ERICH2: variants seen among roughly 807,000 people sequenced by gnomAD.
The protein encoded by ERICH2 is glutamate rich 2, also known as glutamate-rich protein 2.
In ERICH2, 17 loss-of-function variants were observed where a neutral mutation model predicts 17.4. The observed-to-expected ratio is 0.98, with a 90% confidence interval of 0.67 to 1.47. The LOEUF (loss-of-function observed/expected upper bound fraction) is 1.47, where lower values mean the gene tolerates loss of function less well. Ranked by LOEUF, ERICH2 falls within the 40% of genes most tolerant of loss-of-function variation. ERICH2 has a pLI of 0.00. For synonymous variants in ERICH2, 51 were observed against 61.1 expected (o/e 0.83, Z 0.77); for missense variants, 186 against 183.2 (o/e 1.01, Z -0.09).
chr2:170,778,488 G>T, the ERICH2 span, among the ~76,000 whole-genome samples: 2 of 151,934 alleles, frequency 1.3e-5, no homozygotes, highest in Admixed American at 6.5e-5. Context: ...TTGTCAAAAC[G>T]AAAAATGTCC....
At position 170,797,795 on chromosome 2, in the gene ERICH2, GAAAAAAA is replaced by G. The variant is rs767126097; in HGVS notation, c.275-233_275-227del. ...TAACAGAGCGACACCCTGTCTCAGG[GAAAAAAA>G]AAAAAAAAAAAAGAAAGAAAGAAAA... On this transcript the variant is annotated intron_variant, in intron 3 of 4. Coordinates refer to ENST00000409885, the Ensembl canonical transcript of ERICH2. Among the ~76,000 whole-genome samples the G allele has an allele frequency of 9.4e-3, 1,331 of 141,846 alleles. 22 individuals carry two copies. Among genetic ancestry groups the G allele is most frequent in the African/African-American group, 0.032 (1,247 of 38,460 alleles). 93.1% of individuals were successfully genotyped at this position (141,846 alleles called of 152,430 possible).
chr2:170,795,863 G>A (rs535941151), intron 3 of ERICH2, among the ~76,000 whole-genome samples: 12 of 152,144 alleles, frequency 7.9e-5, no homozygotes, highest in South Asian at 4.2e-4. Context: ...ATGGAGGTCC[G>A]GAAGATTTAT....
intron 3 of ERICH2, among the ~76,000 whole-genome samples, chr2:170,794,017 G>A (rs1039108267): frequency 6.7e-6 from 1 of 149,438 alleles, no homozygotes; most frequent in African/African-American, 2.5e-5. Flanking sequence ...GATGTCCCAT[G>A]TGTATCTTAT....
At chr2:170,776,220 CAT>C in the ERICH2 span, among the ~76,000 whole-genome samples, 2 of 152,056 alleles carry the variant, frequency 1.3e-5, no homozygotes, top group African/African-American at 4.8e-5. Flanking sequence ...TTAATAAACA[CAT>C]GAGAACTTAT....
chr2:170,782,564 G>A (rs1192388101), upstream of ERICH2, among the ~76,000 whole-genome samples: 1 of 152,198 alleles, frequency 6.6e-6, no homozygotes, highest in Non-Finnish European at 1.5e-5. Flanking sequence ...GAGATCCATG[G>A]ATATGCATTA....
At chr2:170,795,635 C>G (rs1014522896) in intron 3 of ERICH2, among the ~76,000 whole-genome samples, 23 of 152,222 alleles carry the variant, frequency 1.5e-4, no homozygotes, top group Non-Finnish European at 2.6e-4. Context: ...GCATCAGCCA[C>G]TGCACCTGTC....
upstream of ERICH2, chr2:170,782,471 A>T: frequency 1.7e-6 from 1 of 605,678 alleles, no homozygotes. Context: ...GGAACTGACA[A>T]CTCTGTAGAT....
intron 2 of ERICH2, among the ~76,000 whole-genome samples, chr2:170,788,716 A>G (rs1344173475): frequency 1.3e-5 from 2 of 151,824 alleles, no homozygotes; most frequent in African/African-American, 2.4e-5. Context: ...TGACCTTGTG[A>G]TTCACCTCCC....
chr2:170,777,730 G>T, the ERICH2 span: 1 of 1,169,560 alleles, frequency 8.6e-7, no homozygotes, highest in Non-Finnish European at 1.1e-6. Context: ...TGCCTTTTAA[G>T]CAATTAGAAC....
chr2:170,776,444 C>A, the ERICH2 span, among the ~76,000 whole-genome samples: 1 of 152,176 alleles, frequency 6.6e-6, no homozygotes, highest in Admixed American at 6.5e-5. Context: ...GTGGTGCGAT[C>A]TCGGCTCACT....
chr2:170,790,193 G>C (rs1053143573), intron 2 of ERICH2, among the ~76,000 whole-genome samples: 6 of 152,160 alleles, frequency 3.9e-5, no homozygotes, highest in African/African-American at 1.4e-4. Flanking sequence ...GAATGTAAAA[G>C]AAAAATAAAA....
the ERICH2 span, among the ~76,000 whole-genome samples, chr2:170,772,544 ACCTGACT>A: frequency 6.6e-6 from 1 of 152,344 alleles, no homozygotes; most frequent in Admixed American, 6.5e-5. Context: ...AACATAGACA[ACCTGACT>A]CCAGAGTCTG....
At chr2:170,779,761 G>A, upstream of ERICH2, 1 of 746,924 alleles carries the variant, frequency 1.3e-6, no homozygotes, top group Non-Finnish European at 1.6e-6. Flanking sequence ...TGAATAATGA[G>A]CTATTTTTTA....
At chr2:170,779,716 T>G (rs1700983241), upstream of ERICH2, 9 of 445,158 alleles carry the variant, frequency 2.0e-5, no homozygotes, top group Non-Finnish European at 2.7e-5. Flanking sequence ...AGGACTTTTC[T>G]TACATAATCA....
At chr2:170,784,508 T>C (rs1701104170) in intron 1 of ERICH2, 138 bp from the exon 7 acceptor site, 1 of 489,772 alleles carries the variant, frequency 2.0e-6, no homozygotes, top group Non-Finnish European at 3.6e-6. Flanking sequence ...ATATGTAGTG[T>C]TTTGAATATA....
the ERICH2 span, among the ~76,000 whole-genome samples, chr2:170,776,349 T>C: frequency 6.6e-6 from 1 of 152,204 alleles, no homozygotes; most frequent in Non-Finnish European, 1.5e-5. Context: ...CTTGTTCTGG[T>C]CACATGTACT....
At chr2:170,779,142 T>C (rs1426220575), upstream of ERICH2, among the ~76,000 whole-genome samples, 1 of 152,156 alleles carries the variant, frequency 6.6e-6, no homozygotes, top group African/African-American at 2.4e-5. Flanking sequence ...CAGGGCTAGT[T>C]CTAGAGAAAA....
chr2:170,783,296 C>T (rs972322110), upstream of ERICH2: 1 of 153,100 alleles, frequency 6.5e-6, no homozygotes, highest in Non-Finnish European at 1.5e-5. Flanking sequence ...AAAACACAAA[C>T]ACTGTAAACT....
At chr2:170,786,252 G>A (rs1020947929) in intron 2 of ERICH2, among the ~76,000 whole-genome samples, 3 of 151,742 alleles carry the variant, frequency 2.0e-5, no homozygotes, top group Admixed American at 6.6e-5. Context: ...TGTCTTAAAA[G>A]GTCTTAATTT....
Sources: gnomAD v4.1 joint callset for allele counts (sites outside exome capture counted in the v4.1 genomes callset) on GRCh38, gnomAD v4.1.1 for gene constraint, MANE v1.5 for transcripts, NCBI Gene and HGNC (gene_info 2026-07-23, HGNC 2026-07-21) for gene names.